Variants in RBFOX1 observed in about 807,000 individuals in gnomAD.
The protein encoded by RBFOX1 is RNA binding fox-1 homolog 1.
RBFOX1 carries 8 observed loss-of-function variants against 57.7 expected under a neutral mutation model. The ratio of observed to expected loss-of-function variants is 0.14; its 90% CI spans 0.08 to 0.25. The LOEUF (loss-of-function observed/expected upper bound fraction) is 0.25, where lower values mean the gene tolerates loss of function less well. Among genes scored for constraint, RBFOX1 ranks in the 10% least tolerant of loss-of-function variants. The pLI, the probability that RBFOX1 is intolerant of heterozygous loss-of-function variation, is 1.00. For synonymous variants in RBFOX1, 326 were observed against 222.4 expected (o/e 1.47, Z -4.15); for missense variants, 611 against 548.5 (o/e 1.11, Z -1.14).
intron 13 of RBFOX1, chr16:7,671,483 TTGTC>T: frequency 3.7e-6 from 5 of 1,366,572 alleles, no homozygotes; most frequent in Non-Finnish European, 5.2e-6. Context: ...GCTCTGGAAT[TTGTC>T]TGACTTATGC....
intron 5 of RBFOX1, among the ~76,000 whole-genome samples, chr16:7,518,810 G>C (rs1157955879): frequency 6.6e-6 from 1 of 152,130 alleles, no homozygotes; most frequent in African/African-American, 2.4e-5. Context: ...GTCGTTTGAA[G>C]ACAGGAGTTC....
intron 4 of RBFOX1, among the ~76,000 whole-genome samples, chr16:7,213,214 G>C (rs1028562673): frequency 6.6e-6 from 1 of 152,060 alleles, no homozygotes; most frequent in African/African-American, 2.4e-5. Context: ...CAATATCTGG[G>C]GCAGAAAAAC....
rs187772991 is a variant in RBFOX1 at position 6,984,227 on chromosome 16, A to G, written c.-15-67830A>G. ...GTGCCATTGCACTCCAGCCTACGCA[A>G]CAAGAGTAAAACTCCATCTTAAACA... On this transcript the variant is annotated intron_variant, in intron 3 of 15. Coordinates refer to ENST00000550418, the MANE Select transcript of RBFOX1 (RefSeq NM_018723.4). Among the ~76,000 whole-genome samples the G allele has an allele frequency of 1.8e-4, 28 of 152,330 alleles. No individual in the cohort carries two copies. The East Asian group carries it at 4.6e-3, about 25-fold the overall frequency.
At position 6,463,083 on chromosome 16, in the gene RBFOX1, A is replaced by T. The variant is rs1032507919; in HGVS notation, c.-64+146026A>T. ...GATCACTTTTATTAATAACTTAAGG[A>T]GCTATCCTTCCCCTATTCAACTTTT... is the stretch of plus-strand genomic sequence containing the variant. On this transcript the variant is annotated intron_variant, in intron 2 of 15. Coordinates refer to ENST00000550418, the MANE Select transcript of RBFOX1 (RefSeq NM_018723.4). Among the ~76,000 whole-genome samples the T allele has an allele frequency of 2.0e-5, 3 of 151,056 alleles. No individual in the cohort carries two copies. In the East Asian group the frequency reaches 5.8e-4, roughly 29 times the overall value.
intron 3 of RBFOX1, among the ~76,000 whole-genome samples, chr16:5,779,968 T>C (rs1294194694): frequency 6.6e-6 from 1 of 152,234 alleles, no homozygotes; most frequent in Non-Finnish European, 1.5e-5. Context: ...TGTACTAGTT[T>C]ATAAGAGTGC....
intron 1 of RBFOX1, among the ~76,000 whole-genome samples, chr16:6,253,332 G>A (rs542480866): frequency 2.0e-5 from 3 of 152,102 alleles, no homozygotes; most frequent in Non-Finnish European, 2.9e-5. Context: ...TGTCACTGAC[G>A]TTGCACCTAC....
At chr16:6,767,703 C>A (rs1230580676) in intron 3 of RBFOX1, among the ~76,000 whole-genome samples, 1 of 151,822 alleles carries the variant, frequency 6.6e-6, no homozygotes, top group African/African-American at 2.4e-5. Flanking sequence ...ATCACGAGAT[C>A]AGGAGTTCGA....
chr16:5,261,064 G>A (rs143960675), intron 1 of RBFOX1: 54 of 152,290 alleles, frequency 3.5e-4, no homozygotes, highest in African/African-American at 1.3e-3. Flanking sequence ...TGATCCTCAG[G>A]TAGTTAGGGA....
intron 4 of RBFOX1, among the ~76,000 whole-genome samples, chr16:7,405,140 G>A (rs527356212): frequency 1.3e-5 from 2 of 152,348 alleles, no homozygotes; most frequent in African/African-American, 2.4e-5. Context: ...AAAATCTCCA[G>A]TGAGGCTGCA....
intron 3 of RBFOX1, among the ~76,000 whole-genome samples, chr16:7,000,440 T>A (rs17141995): frequency 6.6e-6 from 1 of 152,096 alleles, no homozygotes; most frequent in African/African-American, 2.4e-5. Flanking sequence ...TGCAACAGTC[T>A]CTACATAGTC....
chr16:7,120,840 C>T lies in RBFOX1; in HGVS notation c.27+68742C>T, dbSNP rs867767874. 1.6e-3 allele frequency among the ~76,000 whole-genome samples: 237 copies of T among 145,682 alleles called. 1 individual carries two copies. The highest frequency in any genetic ancestry group is 5.4e-3 in the African/African-American group (206 of 38,404). Reference sequence around the variant, plus strand: ...TTATATATGTATATATACACACACACACACACACACACACACACATACGTA... The same window carrying T: ...TTATATATGTATATATACACACACATACACACACACACACACACATACGTA... On this transcript the variant is annotated intron_variant, in intron 4 of 15. Transcript: ENST00000550418.
intron 4 of RBFOX1, among the ~76,000 whole-genome samples, chr16:7,513,043 C>T (rs760200577): frequency 2.6e-5 from 4 of 151,228 alleles, no homozygotes; most frequent in Admixed American, 6.6e-5. Flanking sequence ...GCAGATGGAT[C>T]ACTTGAGGCC....
chr16:7,565,277 G>T (rs564165404), intron 5 of RBFOX1, among the ~76,000 whole-genome samples: 2 of 151,946 alleles, frequency 1.3e-5, no homozygotes, highest in East Asian at 3.9e-4. Flanking sequence ...TTCTTCCCCC[G>T]CCCGCCACCA....
intron 4 of RBFOX1, among the ~76,000 whole-genome samples, chr16:7,394,010 C>G (rs543342592): frequency 2.0e-5 from 3 of 151,936 alleles, no homozygotes; most frequent in African/African-American, 7.3e-5. Context: ...CCAAGGTGGG[C>G]AGATCACCTG....
At chr16:7,606,886 A>G (rs1169843236) in intron 9 of RBFOX1, among the ~76,000 whole-genome samples, 1 of 152,212 alleles carries the variant, frequency 6.6e-6, no homozygotes, top group African/African-American at 2.4e-5. Context: ...AATTTTGTTT[A>G]TGCAAGCTTT....
At chr16:5,807,059 C>T (rs912517730) in intron 3 of RBFOX1, among the ~76,000 whole-genome samples, 5 of 152,136 alleles carry the variant, frequency 3.3e-5, no homozygotes, top group Non-Finnish European at 5.9e-5. Context: ...TGAGCCTGGC[C>T]CAGTGGGAAG....
At chr16:5,709,823 ATATATATATATATATATATATTTTTTTTT>A (rs1290423373) in intron 3 of RBFOX1, among the ~76,000 whole-genome samples, 3 of 11,844 alleles carry the variant, frequency 2.5e-4, no homozygotes, top group African/African-American at 4.4e-4. Context: ...ATATATATAT[ATATATATATATATATATATATTTTTTTTT>A]TTTTTTTTTT....
chr16:5,670,652 C>G (rs370116322), intron 3 of RBFOX1, among the ~76,000 whole-genome samples: 1 of 152,206 alleles, frequency 6.6e-6, no homozygotes, highest in Non-Finnish European at 1.5e-5. Flanking sequence ...TGCCTTTTTA[C>G]TCATGTGCGG....
At chr16:7,019,955 A>G (rs1054971201) in intron 3 of RBFOX1, among the ~76,000 whole-genome samples, 3 of 150,168 alleles carry the variant, frequency 2.0e-5, no homozygotes, top group African/African-American at 7.3e-5. Context: ...ACCTGAAACT[A>G]TATTCCCTTT....
Sources: gnomAD v4.1 joint callset for allele counts (sites outside exome capture counted in the v4.1 genomes callset) on GRCh38, gnomAD v4.1.1 for gene constraint, MANE v1.5 for transcripts, NCBI Gene and HGNC (gene_info 2026-07-23, HGNC 2026-07-21) for gene names.